CNTN1: variants seen among roughly 807,000 people sequenced by gnomAD.
The protein encoded by CNTN1 is contactin 1.
Under a neutral mutation model 126.4 loss-of-function variants are expected in CNTN1, and 38 were observed. The ratio of observed to expected loss-of-function variants is 0.30; its 90% CI spans 0.23 to 0.39. The LOEUF (loss-of-function observed/expected upper bound fraction) is 0.39, where lower values mean the gene tolerates loss of function less well. Ranked by LOEUF, CNTN1 falls within the 10% of genes least tolerant of loss-of-function variation. The pLI is 1.00. For missense variants in CNTN1, 1,009 were observed against 1,248.4 expected (o/e 0.81, Z 2.89); for synonymous variants, 413 against 422.6 (o/e 0.98, Z 0.28).
At chr12:40,873,127 C>T (rs951829345) in intron 1 of CNTN1, among the ~76,000 whole-genome samples, 4 of 151,998 alleles carry the variant, frequency 2.6e-5, no homozygotes, top group African/African-American at 7.3e-5. Context: ...TAAATTCTTA[C>T]AGAAAGTGGA....
intron 17 of CNTN1, among the ~76,000 whole-genome samples, chr12:41,009,897 C>T (rs1350949475): frequency 6.6e-6 from 1 of 152,116 alleles, no homozygotes; most frequent in Non-Finnish European, 1.5e-5. Flanking sequence ...TGTCCTGGGG[C>T]TATAAGGATG....
At chr12:41,018,493 C>G (rs1948831954) in intron 19 of CNTN1, among the ~76,000 whole-genome samples, 1 of 151,902 alleles carries the variant, frequency 6.6e-6, no homozygotes, top group Non-Finnish European at 1.5e-5. Context: ...TTATTAAACA[C>G]CATTGTATTC....
At chr12:40,870,436 C>A (rs1251840003) in intron 1 of CNTN1, among the ~76,000 whole-genome samples, 1 of 152,042 alleles carries the variant, frequency 6.6e-6, no homozygotes, top group Non-Finnish European at 1.5e-5. Flanking sequence ...GTTTAATTTG[C>A]AGTCTAGGGA....
chr12:40,833,974 C>T (rs1941952864), intron 1 of CNTN1, among the ~76,000 whole-genome samples: 1 of 152,172 alleles, frequency 6.6e-6, no homozygotes. Flanking sequence ...AACTACACTA[C>T]ACATCCTAAC....
At chr12:40,983,861 TA>T (rs1947882722) in intron 16 of CNTN1, among the ~76,000 whole-genome samples, 1 of 67,046 alleles carries the variant, frequency 1.5e-5, no homozygotes, top group African/African-American at 7.1e-5. Flanking sequence ...TATTATATGC[TA>T]TTATAGCATA....
At chr12:40,816,290 T>C (rs1349091377) in intron 1 of CNTN1, among the ~76,000 whole-genome samples, 2 of 152,210 alleles carry the variant, frequency 1.3e-5, no homozygotes, top group African/African-American at 4.8e-5. Context: ...TGGGCTTTTT[T>C]TGGTTGGTAG....
At chr12:40,736,380 A>G (rs757837073) in intron 1 of CNTN1, among the ~76,000 whole-genome samples, 3 of 152,098 alleles carry the variant, frequency 2.0e-5, no homozygotes, top group Non-Finnish European at 2.9e-5. Flanking sequence ...TAATATAAGT[A>G]TAAGATATGG....
chr12:41,032,452 G>A (rs184523833), intron 23 of CNTN1, among the ~76,000 whole-genome samples: 1 of 151,952 alleles, frequency 6.6e-6, no homozygotes, highest in African/African-American at 2.4e-5. Context: ...GGCCTATAGT[G>A]GTCTATATAA....
chr12:41,022,100 A>G (rs1948927631), intron 20 of CNTN1, among the ~76,000 whole-genome samples: 1 of 152,172 alleles, frequency 6.6e-6, no homozygotes, highest in African/African-American at 2.4e-5. Flanking sequence ...AATGCCAAGA[A>G]TTATATATTG....
intron 1 of CNTN1, among the ~76,000 whole-genome samples, chr12:40,750,805 C>T (rs905775784): frequency 6.6e-6 from 1 of 152,008 alleles, no homozygotes; most frequent in Admixed American, 6.6e-5. Flanking sequence ...TTGAGATCCT[C>T]TGGTCATTCA....
chr12:40,764,517 C>CT (rs1195932618), intron 1 of CNTN1, among the ~76,000 whole-genome samples: 2 of 152,104 alleles, frequency 1.3e-5, no homozygotes, highest in Non-Finnish European at 2.9e-5. Flanking sequence ...TTAATACTAT[C>CT]TTTTTTGATG....
At chr12:40,722,774 T>A (rs1015297312) in intron 1 of CNTN1, among the ~76,000 whole-genome samples, 5 of 152,150 alleles carry the variant, frequency 3.3e-5, no homozygotes, top group Non-Finnish European at 5.9e-5. Flanking sequence ...CTAAGTGTAT[T>A]TGAATTTATT....
chr12:40,929,181 G>A (rs1945795696), intron 6 of CNTN1, among the ~76,000 whole-genome samples: 1 of 151,856 alleles, frequency 6.6e-6, no homozygotes, highest in Admixed American at 6.6e-5. Context: ...AGTGTGTTCA[G>A]CCAAAGGAAT....
intron 12 of CNTN1, among the ~76,000 whole-genome samples, chr12:40,941,075 T>A (rs987569538): frequency 6.6e-6 from 1 of 152,198 alleles, no homozygotes; most frequent in African/African-American, 2.4e-5. Context: ...TTCATGGACT[T>A]GTTTTTCCTA....
At position 40,811,037 on chromosome 12, in the gene CNTN1, T is replaced by A. The variant is rs1448162611; in HGVS notation, c.-76-97320T>A. 2.0e-5 allele frequency among the ~76,000 whole-genome samples: 3 copies of A among 152,116 alleles called. No individual in the cohort carries two copies. The East Asian group carries it at 5.8e-4, about 29-fold the overall frequency. ...ATAACAAATAAAAATTGATTAATAT[T>A]TAATTGCGTGTACATCAAATTTCTT... On this transcript the variant is annotated intron_variant, in intron 1 of 23. Transcript: ENST00000551295.
intron 1 of CNTN1, among the ~76,000 whole-genome samples, chr12:40,819,316 G>A (rs1474122907): frequency 1.3e-5 from 2 of 152,146 alleles, no homozygotes; most frequent in Non-Finnish European, 2.9e-5. Flanking sequence ...CAGAGACTGC[G>A]GCCACCCCTC....
At chr12:40,955,437 G>A (rs1946839938) in intron 14 of CNTN1, among the ~76,000 whole-genome samples, 1 of 151,964 alleles carries the variant, frequency 6.6e-6, no homozygotes, top group Non-Finnish European at 1.5e-5. Flanking sequence ...TGAAAATAGT[G>A]TATAGATATT....
At chr12:40,737,117 A>T (rs1937718920) in intron 1 of CNTN1, among the ~76,000 whole-genome samples, 1 of 151,822 alleles carries the variant, frequency 6.6e-6, no homozygotes, top group African/African-American at 2.4e-5. Context: ...GTATAAATCC[A>T]GATTGATTGG....
intron 22 of CNTN1, 94 bp downstream of exon 22, chr12:41,028,063 G>A: frequency 2.2e-6 from 2 of 892,614 alleles, no homozygotes; most frequent in South Asian, 1.4e-5. Context: ...ATGGAATTTT[G>A]CTCTGTCACC....
Sources: allele counts gnomAD v4.1 joint callset (sites outside exome capture counted in the v4.1 genomes callset), GRCh38; gene constraint gnomAD v4.1.1; transcripts MANE v1.5; gene names NCBI Gene and HGNC (gene_info 2026-07-23, HGNC 2026-07-21).